The following BACH2 variants were observed in gnomAD, a reference collection of about 807,000 sequenced individuals.
The protein encoded by BACH2 is transcription regulator protein BACH2.
Under a neutral mutation model 61.8 loss-of-function variants are expected in BACH2, and 5 were observed. That is an observed-to-expected ratio of 0.08 (90% CI 0.04 to 0.17). BACH2 has a LOEUF of 0.17. Ranked by LOEUF, BACH2 falls within the 10% of genes least tolerant of loss-of-function variation. BACH2 has a pLI of 1.00. For missense variants in BACH2, 824 were observed against 1,091.1 expected, an observed-to-expected ratio of 0.76 and a Z score of 3.45; for synonymous variants, 446 against 440.1, an observed-to-expected ratio of 1.01 and a Z score of -0.17.
intron 4 of BACH2, among the ~76,000 whole-genome samples, chr6:90,131,797 T>C (rs1015922107): frequency 2.0e-5 from 3 of 152,152 alleles, no homozygotes; most frequent in African/African-American, 7.2e-5. Flanking sequence ...AATGATGAGG[T>C]CAGTGGGCCA....
At chr6:90,065,270 C>CCTTT (rs1780894736) in intron 5 of BACH2, among the ~76,000 whole-genome samples, 2 of 52,648 alleles carry the variant, frequency 3.8e-5, no homozygotes, top group Non-Finnish European at 3.4e-5. Flanking sequence ...GCCGCCCCCA[C>CCTTT]TTTTTTTTTT....
chr6:90,105,913 T>A (rs1297430181), intron 4 of BACH2, among the ~76,000 whole-genome samples: 1 of 152,208 alleles, frequency 6.6e-6, no homozygotes, highest in Non-Finnish European at 1.5e-5. Flanking sequence ...AACTACAGAT[T>A]GCACCAACAG....
At chr6:90,132,013 A>G (rs2474613) in intron 4 of BACH2, among the ~76,000 whole-genome samples, 7,753 of 152,310 alleles carry the variant, frequency 0.051, 581 homozygotes, top group African/African-American at 0.17. Flanking sequence ...TGATGGACAT[A>G]ACCACATCCA....
intron 3 of BACH2, among the ~76,000 whole-genome samples, chr6:90,209,505 T>C (rs1203754624): frequency 6.6e-6 from 1 of 152,262 alleles, no homozygotes; most frequent in African/African-American, 2.4e-5. Flanking sequence ...TCAATGTATG[T>C]ATCCATCCAT....
chr6:89,962,826 T>C (rs771391764), intron 6 of BACH2, among the ~76,000 whole-genome samples: 1 of 152,184 alleles, frequency 6.6e-6, no homozygotes, highest in Non-Finnish European at 1.5e-5. Context: ...TTCTTGGATA[T>C]GACACCAAAA....
At chr6:90,013,699 A>G (rs146137481) in intron 5 of BACH2, among the ~76,000 whole-genome samples, 9,962 of 151,678 alleles carry the variant, frequency 0.066, 535 homozygotes, top group African/African-American at 0.15. Context: ...TAGTAGAGAC[A>G]GGGTTTCACC....
In BACH2 at chr6:90,249,458, T is replaced by C. The variant is rs570036343; in HGVS notation, c.-275+3055A>G. Among the ~76,000 whole-genome samples the C allele has an allele frequency of 1.3e-4, 20 of 152,302 alleles. No homozygotes were observed. In the East Asian group the frequency reaches 1.9e-3, roughly 15 times the overall value. On this transcript the variant is annotated intron_variant, in intron 3 of 8. Transcript: ENST00000257749. ...ATGTTTAAATAAAAATAAAATGCTA[T>C]TGGAGCATTTCAATACATATCATAA... is the stretch of plus-strand genomic sequence containing the variant.
chr6:89,934,565 A>G (rs771570106), intron 8 of BACH2, among the ~76,000 whole-genome samples: 1 of 152,104 alleles, frequency 6.6e-6, no homozygotes, highest in Non-Finnish European at 1.5e-5. Context: ...CGGCTGGGAC[A>G]TGAGAATTGC....
At chr6:90,129,004 T>C (rs1000968884) in intron 4 of BACH2, among the ~76,000 whole-genome samples, 6 of 152,004 alleles carry the variant, frequency 3.9e-5, no homozygotes, top group Admixed American at 6.5e-5. Flanking sequence ...TAGGTGGGAA[T>C]TGAACAATGA....
At chr6:90,129,958 C>G (rs1784024140) in intron 4 of BACH2, among the ~76,000 whole-genome samples, 2 of 152,158 alleles carry the variant, frequency 1.3e-5, no homozygotes, top group South Asian at 4.1e-4. Context: ...CAACCTCCAC[C>G]TCCAGGGTTC....
chr6:90,278,023 T>C (rs1321335213), intron 1 of BACH2, among the ~76,000 whole-genome samples: 2 of 152,214 alleles, frequency 1.3e-5, no homozygotes, highest in Non-Finnish European at 2.9e-5. Context: ...TTCCTAACAA[T>C]CAAAGATATG....
chr6:90,231,083 G>C (rs1391416876), intron 3 of BACH2, among the ~76,000 whole-genome samples: 1 of 152,136 alleles, frequency 6.6e-6, no homozygotes, highest in African/African-American at 2.4e-5. Flanking sequence ...GCCATTTCCA[G>C]CTGAAAGGGA....
At chr6:90,279,206 C>T (rs1308989326) in intron 1 of BACH2, among the ~76,000 whole-genome samples, 1 of 151,954 alleles carries the variant, frequency 6.6e-6, no homozygotes, top group Non-Finnish European at 1.5e-5. Flanking sequence ...ATGCAGTAAT[C>T]TTCCTAAATC....
At chr6:89,983,406 T>C (rs1776062362) in intron 6 of BACH2, among the ~76,000 whole-genome samples, 1 of 152,208 alleles carries the variant, frequency 6.6e-6, no homozygotes, top group Admixed American at 6.5e-5. Context: ...TGGTGGCTCA[T>C]GCCTGTAATT....
chr6:90,006,419 C>T (rs988733073), intron 6 of BACH2, among the ~76,000 whole-genome samples: 3 of 152,240 alleles, frequency 2.0e-5, no homozygotes, highest in South Asian at 2.1e-4. Flanking sequence ...TCGGCCTTCC[C>T]GTTACTTGGT....
chr6:90,009,162 G>C (rs997906536), intron 5 of BACH2, among the ~76,000 whole-genome samples: 6 of 151,948 alleles, frequency 3.9e-5, no homozygotes, highest in Non-Finnish European at 8.8e-5. Context: ...AAAACACATT[G>C]GTATTTTAAA....
rs1292730732 is a variant in BACH2, at chr6:90,125,685, A to T, written c.-161-36576T>A. Among the ~76,000 whole-genome samples, 5 of 152,212 alleles carry T rather than the reference A, an allele frequency of 3.3e-5. No individual in the cohort carries two copies. In the East Asian group the frequency reaches 9.6e-4, roughly 29 times the overall value. ...TCAGTGGCATGTGCAGACCATGCCC[A>T]TTCCACCGGGCACATGCATCCCTCA... On this transcript the variant is annotated intron_variant, in intron 4 of 8. Transcript: ENST00000257749.
Position 89,951,968 on chromosome 6 carries a change from A to G in BACH2, c.244-106T>C. ...CAGACAGTGCTAATGTCCCAGAATA[A>G]AGACTGCAAAGGGGCAGTTAATCTT... On this transcript the variant is annotated intron_variant, in intron 6 of 8. Transcript: ENST00000257749. This position sits in a 1 kb window ranked among gnomAD's most constrained non-coding sequence, Gnocchi z 6.4. 1 of 1,313,800 alleles carries G rather than the reference A, an allele frequency of 7.6e-7. No homozygotes were observed. The allele number at this position is 1,313,800 out of a possible 1,614,324, so 81.4% of individuals were successfully genotyped here.
At chr6:90,211,531 AAC>A (rs1484318442) in intron 3 of BACH2, among the ~76,000 whole-genome samples, 1 of 151,986 alleles carries the variant, frequency 6.6e-6, no homozygotes, top group Non-Finnish European at 1.5e-5. Context: ...TGCTGAGAAT[AAC>A]ATAAGCCACC....
Sources: allele counts gnomAD v4.1 joint callset (sites outside exome capture counted in the v4.1 genomes callset), GRCh38; gene constraint gnomAD v4.1.1; non-coding constraint Gnocchi (gnomAD v3.1); transcripts MANE v1.5; gene names NCBI Gene and HGNC (gene_info 2026-07-23, HGNC 2026-07-21).